Variants in DENND1A observed in about 807,000 individuals in gnomAD.
DENND1A encodes DENN domain-containing protein 1A.
A neutral mutation model predicts 113.7 loss-of-function variants in DENND1A; 51 were observed. The observed-to-expected ratio is 0.45, with a 90% CI of 0.36 to 0.57. DENND1A has a LOEUF of 0.57. Ranked by LOEUF, DENND1A falls within the 20% of genes least tolerant of loss-of-function variation. DENND1A has a pLI of 0.00. For missense variants in DENND1A, 1,258 were observed against 1,395.9 expected, an observed-to-expected ratio of 0.90 and a Z score of 1.57; for synonymous variants, 565 against 570.8, an observed-to-expected ratio of 0.99 and a Z score of 0.14.
At chr9:123,484,693 G>C (rs934138952) in intron 13 of DENND1A, among the ~76,000 whole-genome samples, 4 of 152,144 alleles carry the variant, frequency 2.6e-5, no homozygotes, top group Admixed American at 6.5e-5. Flanking sequence ...GTTCTCCCCT[G>C]AGCCTCTGCT....
intron 2 of DENND1A, among the ~76,000 whole-genome samples, chr9:123,862,734 A>G (rs185511842): frequency 6.6e-6 from 1 of 152,316 alleles, no homozygotes; most frequent in African/African-American, 2.4e-5. Flanking sequence ...TCACCCCCGA[A>G]AAAAGGCAGT....
chr9:123,811,672 C>G (rs906955443), intron 2 of DENND1A, among the ~76,000 whole-genome samples: 1 of 152,066 alleles, frequency 6.6e-6, no homozygotes, highest in Non-Finnish European at 1.5e-5. Context: ...GGCAGGAGAA[C>G]GGCGTGAACC....
intron 11 of DENND1A, among the ~76,000 whole-genome samples, chr9:123,605,804 T>A (rs1403655174): frequency 1.3e-5 from 2 of 152,246 alleles, no homozygotes; most frequent in Non-Finnish European, 2.9e-5. Flanking sequence ...AATTTGAGTG[T>A]CATAAAAATG....
chr9:123,436,375 G>C (rs1330833689), intron 19 of DENND1A, among the ~76,000 whole-genome samples: 1 of 152,216 alleles, frequency 6.6e-6, no homozygotes, highest in Non-Finnish European at 1.5e-5. Context: ...GTGGAGAAAC[G>C]CGGTCTTCAC....
chr9:123,778,790 C>T (rs1251228548), intron 3 of DENND1A, among the ~76,000 whole-genome samples: 5 of 152,066 alleles, frequency 3.3e-5, no homozygotes, highest in Admixed American at 2.0e-4. Flanking sequence ...CTGGCCACAC[C>T]GCATAACCCA....
intron 13 of DENND1A, among the ~76,000 whole-genome samples, chr9:123,465,308 ATTTT>A (rs60428558): frequency 1.2e-5 from 1 of 80,092 alleles, no homozygotes; most frequent in Non-Finnish European, 2.6e-5. Flanking sequence ...TTTGTCTTTG[ATTTT>A]TTTTTTTTTT....
chr9:123,417,318 G>A (rs1042170210), intron 19 of DENND1A, among the ~76,000 whole-genome samples: 27 of 152,364 alleles, frequency 1.8e-4, no homozygotes, highest in African/African-American at 5.8e-4. Flanking sequence ...AGGTTCTGTT[G>A]AAGGACACTG....
chr9:123,891,875 A>C (rs912254508), intron 1 of DENND1A, among the ~76,000 whole-genome samples: 2 of 152,294 alleles, frequency 1.3e-5, no homozygotes, highest in African/African-American at 4.8e-5. Flanking sequence ...GTGATCCCTG[A>C]GAGAAGTAAA....
intron 20 of DENND1A, among the ~76,000 whole-genome samples, chr9:123,408,568 T>G (rs1186816528): frequency 6.6e-6 from 1 of 152,192 alleles, no homozygotes; most frequent in African/African-American, 2.4e-5. Context: ...CAAGCTGTAA[T>G]TCAAACCAGG....
At chr9:123,839,153 T>C (rs1284425731) in intron 2 of DENND1A, among the ~76,000 whole-genome samples, 1 of 152,118 alleles carries the variant, frequency 6.6e-6, no homozygotes, top group Non-Finnish European at 1.5e-5. Flanking sequence ...TGAAAGATCA[T>C]ATAGACCACT....
At chr9:123,774,891 CAGA>C (rs577708115) in intron 3 of DENND1A, among the ~76,000 whole-genome samples, 1,574 of 152,174 alleles carry the variant, frequency 0.01, 20 homozygotes, top group South Asian at 0.018. Flanking sequence ...ACATTAAGTG[CAGA>C]AGAAGAAGGC....
rs1372831910 is a variant in DENND1A at position 123,918,621 on chromosome 9, C to T, written c.17+11268G>A. Among the ~76,000 whole-genome samples, 3 of 152,100 alleles carry T rather than the reference C, an allele frequency of 2.0e-5. 1 individual carries two copies. Among genetic ancestry groups the T allele is most frequent in the Non-Finnish European group, 4.4e-5 (3 of 68,000 alleles). ...TACATCCATTTAAAGTGACACTCCC[C>T]TCTCTCAAAAATTACCTTTTGAAAA... On this transcript the variant is annotated intron_variant, in intron 1 of 23. Coordinates refer to ENST00000394215, the MANE Select transcript of DENND1A (RefSeq NM_001352964.2).
At chr9:123,651,378 G>A (rs1289701450) in intron 9 of DENND1A, among the ~76,000 whole-genome samples, 1 of 152,204 alleles carries the variant, frequency 6.6e-6, no homozygotes, top group Non-Finnish European at 1.5e-5. Context: ...TAAAACACCT[G>A]AGCACATGCA....
At chr9:123,585,988 T>C (rs1388259102) in intron 11 of DENND1A, among the ~76,000 whole-genome samples, 1 of 152,106 alleles carries the variant, frequency 6.6e-6, no homozygotes, top group Non-Finnish European at 1.5e-5. Flanking sequence ...TCTGGAAGGC[T>C]GTAGTGGCAA....
rs148329838 is a variant in DENND1A at position 123,698,551 on chromosome 9, T to C, written c.303-21762A>G. On this transcript the variant is annotated intron_variant, in intron 5 of 23. Coordinates refer to ENST00000394215, the MANE Select transcript of DENND1A (RefSeq NM_001352964.2). ...AAGCCAAGGCAGAGGGTTAAGTCAC[T>C]GGACCAACATTATATAATTTCATTT... 2.0e-4 allele frequency among the ~76,000 whole-genome samples: 31 copies of C among 152,364 alleles called. 1 individual carries two copies. The East Asian group carries it at 6.0e-3, about 29-fold the overall frequency.
Position 123,583,278 on chromosome 9 carries a change from G to C in DENND1A, c.766-8C>G, listed in dbSNP as rs760608382. 26 of 1,605,930 alleles carry C rather than the reference G, an allele frequency of 1.6e-5. No individual in the cohort carries two copies. In the East Asian group the frequency reaches 5.8e-4, roughly 36 times the overall value. The stretch of plus-strand genomic sequence containing the variant: ...GGCCATGTTTCTGACTTTCTGCAAG[G>C]AGAAAAAAATCCACAAGAGAAGGTC... On this transcript the variant is annotated splice_region_variant and splice_polypyrimidine_tract_variant and intron_variant, in intron 11 of 23. Transcript: ENST00000394215.
chr9:123,558,246 G>C (rs1288582147), intron 12 of DENND1A, among the ~76,000 whole-genome samples: 2 of 152,062 alleles, frequency 1.3e-5, no homozygotes, highest in Admixed American at 6.6e-5. Context: ...TCAAGACATG[G>C]GCCACATTCC....
At chr9:123,466,967 C>G (rs2049008525) in intron 13 of DENND1A, among the ~76,000 whole-genome samples, 1 of 151,948 alleles carries the variant, frequency 6.6e-6, no homozygotes, top group Non-Finnish European at 1.5e-5. Context: ...AGGAAGAAGT[C>G]TCGAGCCCAG....
At chr9:123,520,302 C>CA (rs1564641330) in intron 13 of DENND1A, among the ~76,000 whole-genome samples, 1 of 151,622 alleles carries the variant, frequency 6.6e-6, no homozygotes, top group African/African-American at 2.4e-5. Flanking sequence ...ACTAAAAGTA[C>CA]AAAAAAATTA....
Sources: allele counts gnomAD v4.1 joint callset (sites outside exome capture counted in the v4.1 genomes callset), GRCh38; gene constraint gnomAD v4.1.1; transcripts MANE v1.5; gene names NCBI Gene and HGNC (gene_info 2026-07-23, HGNC 2026-07-21).